The following NOS1AP variants were observed in gnomAD, a reference collection of about 807,000 sequenced individuals.
The protein encoded by NOS1AP is carboxyl-terminal PDZ ligand of neuronal nitric oxide synthase protein.
In NOS1AP, 21 loss-of-function variants were observed where a neutral mutation model predicts 56.2. The observed-to-expected ratio is 0.37, with a 90% CI of 0.26 to 0.54. The LOEUF is 0.54. Ranked by LOEUF, NOS1AP falls within the 20% of genes least tolerant of loss-of-function variation. NOS1AP has a pLI of 0.84. For missense variants in NOS1AP, 522 were observed against 657.8 expected (o/e 0.79, Z 2.26); for synonymous variants, 270 against 274.6 (o/e 0.98, Z 0.17).
chr1:162,215,768 A>C (rs967510755), intron 2 of NOS1AP, among the ~76,000 whole-genome samples: 1 of 152,216 alleles, frequency 6.6e-6, no homozygotes, highest in East Asian at 1.9e-4. Context: ...TCAAGCCAGG[A>C]CTGTTGTGAT....
intron 2 of NOS1AP, among the ~76,000 whole-genome samples, chr1:162,262,478 T>A (rs1654270261): frequency 6.6e-6 from 1 of 152,178 alleles, no homozygotes; most frequent in Non-Finnish European, 1.5e-5. Context: ...TTAGTCCAAA[T>A]TTTTTTAGGG....
chr1:162,367,617 G>T lies in NOS1AP; in HGVS notation c.*150G>T. ...GTGTGAGGTTTCAGGAAAGTATTGA[G>T]ATTCTGCTTTGGAGGGTAAAGTGGG... On this transcript the variant is annotated 3_prime_UTR_variant, in exon 10 of 10. Transcript: ENST00000361897. The surrounding 1 kb of genome is among the most constrained non-coding windows in gnomAD (Gnocchi z 6.5). The T allele has an allele frequency of 2.3e-6, 2 of 886,062 alleles. No homozygotes were observed. Among genetic ancestry groups the T allele is most frequent in the Non-Finnish European group, 3.3e-6 (2 of 597,304 alleles). 54.9% of individuals were successfully genotyped at this position (886,062 alleles called of 1,614,324 possible).
intron 2 of NOS1AP, among the ~76,000 whole-genome samples, chr1:162,231,538 T>C (rs914474514): frequency 1.3e-5 from 2 of 152,206 alleles, no homozygotes; most frequent in African/African-American, 4.8e-5. Context: ...ATATATTTTA[T>C]TTAACCCAAT....
intron 4 of NOS1AP, among the ~76,000 whole-genome samples, chr1:162,309,996 A>G (rs1655971506): frequency 6.6e-6 from 1 of 152,210 alleles, no homozygotes; most frequent in African/African-American, 2.4e-5. Context: ...GGAGCCAAAA[A>G]GCACTCTCAG....
intron 6 of NOS1AP, among the ~76,000 whole-genome samples, chr1:162,347,827 T>G (rs1657352578): frequency 6.6e-6 from 1 of 152,226 alleles, no homozygotes; most frequent in Non-Finnish European, 1.5e-5. Flanking sequence ...GTAAGTATCA[T>G]GGACTTTTCA....
intron 5 of NOS1AP, among the ~76,000 whole-genome samples, chr1:162,336,219 AT>A (rs1309720933): frequency 6.6e-6 from 1 of 152,184 alleles, no homozygotes; most frequent in East Asian, 1.9e-4. Flanking sequence ...ATCTAACTTT[AT>A]TCCCACAGCA....
intron 5 of NOS1AP, among the ~76,000 whole-genome samples, chr1:162,342,948 C>T (rs773984011): frequency 5.9e-5 from 9 of 152,180 alleles, no homozygotes; most frequent in Admixed American, 2.0e-4. Flanking sequence ...CCCTTCCCAG[C>T]CTGAGCTCTG....
chr1:162,174,307 C>G (rs113158732), intron 2 of NOS1AP, among the ~76,000 whole-genome samples: 37 of 148,580 alleles, frequency 2.5e-4, no homozygotes, highest in East Asian at 1.4e-3. Context: ...ACTATCGCAA[C>G]GACAAAAAAC....
chr1:162,277,501 T>G (rs7525680), intron 2 of NOS1AP, among the ~76,000 whole-genome samples: 1 of 151,622 alleles, frequency 6.6e-6, no homozygotes, highest in Non-Finnish European at 1.5e-5. Flanking sequence ...ATCTGGAACT[T>G]GTATTATCCT....
chr1:162,328,412 A>G (rs533737693), intron 4 of NOS1AP, among the ~76,000 whole-genome samples: 1 of 152,336 alleles, frequency 6.6e-6, no homozygotes, highest in African/African-American at 2.4e-5. Context: ...TTGTTTCCAT[A>G]TATTAAAATG....
chr1:162,366,665 A>G (rs1201640097), intron 9 of NOS1AP, among the ~76,000 whole-genome samples: 1 of 152,178 alleles, frequency 6.6e-6, no homozygotes, highest in Non-Finnish European at 1.5e-5. Context: ...CAGATTGTTC[A>G]TTGAAACTCT....
At chr1:162,284,440 A>G (rs540860640) in intron 2 of NOS1AP, among the ~76,000 whole-genome samples, 1 of 152,320 alleles carries the variant, frequency 6.6e-6, no homozygotes, top group South Asian at 2.1e-4. Flanking sequence ...GGCAGCCGTG[A>G]TGGAACCTGG....
intron 2 of NOS1AP, among the ~76,000 whole-genome samples, chr1:162,167,124 G>A (rs906863628): frequency 6.6e-6 from 1 of 152,206 alleles, no homozygotes; most frequent in Non-Finnish European, 1.5e-5. Context: ...CCTCCCTGGA[G>A]AGGCATTTAA....
intron 1 of NOS1AP, among the ~76,000 whole-genome samples, chr1:162,142,275 T>C (rs12060997): frequency 0.18 from 27,767 of 152,076 alleles, 4,010 homozygotes; most frequent in African/African-American, 0.4. Flanking sequence ...ATGACAAGAG[T>C]GGACATCCTT....
At chr1:162,266,435 A>G (rs898794071) in intron 2 of NOS1AP, among the ~76,000 whole-genome samples, 4 of 152,242 alleles carry the variant, frequency 2.6e-5, no homozygotes, top group Admixed American at 2.0e-4. Flanking sequence ...GTTAGGTGTT[A>G]GATGGATGTG....
intron 2 of NOS1AP, among the ~76,000 whole-genome samples, chr1:162,198,015 C>T (rs940760073): frequency 6.6e-6 from 1 of 152,204 alleles, no homozygotes; most frequent in African/African-American, 2.4e-5. Context: ...TGCCATGGGG[C>T]GAGTCATGGA....
At chr1:162,113,973 A>T (rs1302550999) in intron 1 of NOS1AP, among the ~76,000 whole-genome samples, 1 of 152,208 alleles carries the variant, frequency 6.6e-6, no homozygotes, top group Non-Finnish European at 1.5e-5. Context: ...AAAGTTTGAA[A>T]ACCCAGAATT....
intron 4 of NOS1AP, among the ~76,000 whole-genome samples, chr1:162,330,050 A>G (rs1656715165): frequency 6.6e-6 from 1 of 152,134 alleles, no homozygotes; most frequent in Admixed American, 6.5e-5. Flanking sequence ...TGTTCCTTCC[A>G]CATCTCTGTG....
At chr1:162,322,542 C>G (rs1656456422) in intron 4 of NOS1AP, among the ~76,000 whole-genome samples, 1 of 152,096 alleles carries the variant, frequency 6.6e-6, no homozygotes, top group African/African-American at 2.4e-5. Context: ...TCCTCAGACG[C>G]TCAAGTGGGA....
Sources: gnomAD v4.1 joint callset for allele counts (sites outside exome capture counted in the v4.1 genomes callset) on GRCh38, gnomAD v4.1.1 for gene constraint, Gnocchi (gnomAD v3.1) non-coding constraint, MANE v1.5 for transcripts, NCBI Gene and HGNC (gene_info 2026-07-23, HGNC 2026-07-21) for gene names.